The following PLXNA4 variants were observed in gnomAD, a reference collection of about 807,000 sequenced individuals.
PLXNA4 encodes the protein plexin-A4.
Under a neutral mutation model 191.8 loss-of-function variants are expected in PLXNA4, and 44 were observed. That is an observed-to-expected ratio of 0.23 (90% CI 0.18 to 0.29). The LOEUF (loss-of-function observed/expected upper bound fraction) is 0.29, where lower values mean the gene tolerates loss of function less well. Ranked by LOEUF, PLXNA4 falls within the 10% of genes least tolerant of loss-of-function variation. The pLI, the probability that PLXNA4 is intolerant of heterozygous loss-of-function variation, is 1.00. For synonymous variants in PLXNA4, 1,082 were observed against 1,009.5 expected, an observed-to-expected ratio of 1.07 and a Z score of -1.36; for missense variants, 1,800 against 2,488.8, an observed-to-expected ratio of 0.72 and a Z score of 5.89.
At chr7:132,406,976 C>A (rs1304931396) in intron 3 of PLXNA4, among the ~76,000 whole-genome samples, 1 of 152,110 alleles carries the variant, frequency 6.6e-6, no homozygotes, top group Admixed American at 6.6e-5. Context: ...ATAAGGAAAA[C>A]AAGCCCAAAC....
intron 3 of PLXNA4, among the ~76,000 whole-genome samples, chr7:132,420,331 AG>A (rs1378009950): frequency 1.3e-5 from 2 of 152,342 alleles, no homozygotes; most frequent in South Asian, 4.1e-4. Flanking sequence ...GTGATCCAGT[AG>A]ATTCCTGAGC....
At chr7:132,205,834 A>C in intron 10 of PLXNA4, among the ~76,000 whole-genome samples, 1 of 152,334 alleles carries the variant, frequency 6.6e-6, no homozygotes, top group African/African-American at 2.4e-5. Flanking sequence ...ACAAAGTAGA[A>C]GCAGCAGGTG....
intron 12 of PLXNA4, among the ~76,000 whole-genome samples, chr7:132,199,147 C>A (rs1215616363): frequency 6.6e-6 from 1 of 152,146 alleles, no homozygotes; most frequent in Non-Finnish European, 1.5e-5. Context: ...TACATGGCAA[C>A]AATTCTTTGT....
chr7:132,351,595 C>T (rs1027096698), intron 3 of PLXNA4, among the ~76,000 whole-genome samples: 9 of 152,168 alleles, frequency 5.9e-5, no homozygotes, highest in Admixed American at 3.9e-4. Flanking sequence ...GCCCAAGATA[C>T]CTGCTTTGAG....
At chr7:132,296,524 T>C (rs556150055) in intron 4 of PLXNA4, among the ~76,000 whole-genome samples, 1 of 152,078 alleles carries the variant, frequency 6.6e-6, no homozygotes, top group East Asian at 1.9e-4. Flanking sequence ...CCTCCTGCCT[T>C]GGCCTCCCGA....
chr7:132,467,055 G>T (rs1367201430), intron 3 of PLXNA4, among the ~76,000 whole-genome samples: 2 of 152,104 alleles, frequency 1.3e-5, no homozygotes, highest in Non-Finnish European at 2.9e-5. Flanking sequence ...CACACTACTT[G>T]CTCCACACAT....
intron 3 of PLXNA4, among the ~76,000 whole-genome samples, chr7:132,318,717 C>A (rs546942146): frequency 6.7e-6 from 1 of 150,024 alleles, no homozygotes; most frequent in Non-Finnish European, 1.5e-5. Flanking sequence ...CTCATCTGTC[C>A]CCTGAAGGGA....
At chr7:132,606,214 G>A (rs1270469952) in intron 2 of PLXNA4, among the ~76,000 whole-genome samples, 1 of 152,186 alleles carries the variant, frequency 6.6e-6, no homozygotes, top group Non-Finnish European at 1.5e-5. Context: ...CAGAGGCCAG[G>A]AAGAGGTAAG....
chr7:132,233,474 C>T (rs1798591666), intron 5 of PLXNA4, among the ~76,000 whole-genome samples: 1 of 152,126 alleles, frequency 6.6e-6, no homozygotes. Context: ...TTGGGTTGTG[C>T]CATGTAATAC....
rs112881200 is a variant in PLXNA4 at position 132,206,216 on chromosome 7, C to T, written c.2299-2797G>A. ...CATAAGGATTCAAGATCATGCACAG[C>T]ATGCTCCGAGCATAGTATCTGTCAT... On this transcript the variant is annotated intron_variant, in intron 10 of 31. Coordinates refer to ENST00000321063, the MANE Select transcript of PLXNA4 (RefSeq NM_020911.2). Among the ~76,000 whole-genome samples the T allele has an allele frequency of 1.2e-4, 18 of 152,368 alleles. 1 individual carries two copies. Among genetic ancestry groups the T allele is most frequent in the African/African-American group, 3.4e-4 (14 of 41,594 alleles).
chr7:132,566,465 G>T (rs1801728189), intron 1 of PLXNA4, among the ~76,000 whole-genome samples: 1 of 152,162 alleles, frequency 6.6e-6, no homozygotes, highest in Admixed American at 6.6e-5. Context: ...TTCTTGGATG[G>T]CAAAGTTTTC....
chr7:132,497,605 T>C (rs1253467158), intron 2 of PLXNA4, among the ~76,000 whole-genome samples: 1 of 152,182 alleles, frequency 6.6e-6, no homozygotes, highest in Non-Finnish European at 1.5e-5. Flanking sequence ...TATCCAATCC[T>C]CTGATTGCTT....
chr7:132,319,935 C>T (rs899997854), intron 3 of PLXNA4, among the ~76,000 whole-genome samples: 5 of 152,222 alleles, frequency 3.3e-5, no homozygotes, highest in African/African-American at 1.2e-4. Context: ...TTCCCCACCT[C>T]TCCCATGTTC....
At chr7:132,332,771 G>C (rs1213012943) in intron 3 of PLXNA4, among the ~76,000 whole-genome samples, 1 of 151,380 alleles carries the variant, frequency 6.6e-6, no homozygotes, top group Non-Finnish European at 1.5e-5. Flanking sequence ...GCAGTAGAAG[G>C]ATCATTTGAG....
At chr7:132,573,824 C>A (rs1802095265) in intron 1 of PLXNA4, among the ~76,000 whole-genome samples, 1 of 152,170 alleles carries the variant, frequency 6.6e-6, no homozygotes, top group African/African-American at 2.4e-5. Context: ...CACAGGAGAG[C>A]TGCCTTAAGC....
chr7:132,399,949 G>T (rs1224078662), intron 3 of PLXNA4, among the ~76,000 whole-genome samples: 1 of 151,934 alleles, frequency 6.6e-6, no homozygotes, highest in Non-Finnish European at 1.5e-5. Flanking sequence ...TACTTTCATG[G>T]GCATGAAAGG....
chr7:132,278,920 CAG>C lies in PLXNA4; in HGVS notation c.1503+19169_1503+19170del, dbSNP rs569202805. ...GGAGAGAAAAGAAACTTTCACACGT[CAG>C]GGCTTCAGGCAAGGAGAGGCCACTG... On this transcript the variant is annotated intron_variant, in intron 4 of 31. Transcript: ENST00000321063. Among the ~76,000 whole-genome samples, 190 of 152,230 alleles carry C rather than the reference CAG, an allele frequency of 1.2e-3. 1 individual carries two copies. The highest frequency in any genetic ancestry group is 3.8e-3 in the African/African-American group (157 of 41,544).
chr7:132,576,210 T>G lies in PLXNA4; in HGVS notation c.-87+212A>C, dbSNP rs1802223990. The stretch of plus-strand genomic sequence containing the variant: ...CCCGGGAAATCCCTGCTCCGGCCGC[T>G]GCACCTCCGCGGGCGTCCAGGTGGG... On this transcript the variant is annotated intron_variant, in intron 1 of 31. Coordinates refer to ENST00000321063, the MANE Select transcript of PLXNA4 (RefSeq NM_020911.2). The surrounding 1 kb of genome is among the most constrained non-coding windows in gnomAD (Gnocchi z 5.8). Among the ~76,000 whole-genome samples the G allele has an allele frequency of 6.6e-6, 1 of 152,224 alleles. No individual in the cohort carries two copies. Among genetic ancestry groups the G allele is most frequent in the Admixed American group, 6.5e-5 (1 of 15,290 alleles).
chr7:132,412,872 C>T (rs372256154), intron 3 of PLXNA4, among the ~76,000 whole-genome samples: 3 of 152,120 alleles, frequency 2.0e-5, no homozygotes, highest in East Asian at 3.9e-4. Flanking sequence ...ATGCAGGACA[C>T]GCTGGCCAAG....
Sources: allele counts gnomAD v4.1 joint callset (sites outside exome capture counted in the v4.1 genomes callset), GRCh38; gene constraint gnomAD v4.1.1; non-coding constraint Gnocchi (gnomAD v3.1); transcripts MANE v1.5; gene names NCBI Gene and HGNC (gene_info 2026-07-23, HGNC 2026-07-21).